The following H4C7 variants were observed in gnomAD, a reference collection of about 807,000 sequenced individuals.
H4C7 encodes histone H4-like protein type G.
H4C7 carries 7 observed loss-of-function variants against 5.2 expected under a neutral mutation model. The ratio of observed to expected loss-of-function variants is 1.34; its 90% CI spans 0.76 to 2.52. The LOEUF (loss-of-function observed/expected upper bound fraction) is 2.52. Among genes scored for constraint, H4C7 ranks in the 30% most tolerant of loss-of-function variants. The pLI is 0.00. For synonymous variants in H4C7, 69 were observed against 57.5 expected (o/e 1.20, Z -0.90); for missense variants, 148 against 138.4 (o/e 1.07, Z -0.35).
chr6:26,246,683 A>C lies in H4C7; in HGVS notation c.295T>G (p.Ter99GluextTer5). ...YVLKRQGRTL[*>E] Reference sequence around the variant, plus strand: ...GGCCTCACTTAACCGCCAAAGCCTTACAGGGTTCTTCCCTGGCGTTTGAGC... The same window carrying C: ...GGCCTCACTTAACCGCCAAAGCCTTCCAGGGTTCTTCCCTGGCGTTTGAGC... Residue 99 changes from the stop codon to glutamate, a stop_lost, in exon 1 of 1, where the codon TAA becomes GAA. Transcript: ENST00000611444. The C allele has an allele frequency of 6.3e-7, 1 of 1,585,740 alleles. No individual in the cohort carries two copies. Among genetic ancestry groups the C allele is most frequent in the Non-Finnish European group, 8.6e-7 (1 of 1,160,094 alleles).
chr6:26,246,736 G>A lies in H4C7; in HGVS notation c.242C>T (p.Thr81Met), dbSNP rs780050063. The A allele has an allele frequency of 1.2e-6, 2 of 1,612,294 alleles. No homozygotes were observed. The highest frequency in any genetic ancestry group is 1.3e-5 in the African/African-American group (1 of 75,010). ...GTAGACCACGGCCATGGCGGTGACC[G>A]TCTTGCGCTTGGCGTGCTCCGTGTT... The part of the protein sequence containing the change: ...VTNTEHAKRK[T>M]VTAMAVVYVL... The change falls in exon 1 of 1, where the codon ACG (threonine) becomes ATG (methionine). Residue 81 changes from threonine to methionine, a missense_variant. Physicochemically the swap from Thr to Met is moderately conservative, Grantham distance 81. Transcript: ENST00000611444.
chr6:26,246,974 A>T lies in H4C7; in HGVS notation c.4T>A (p.Ser2Thr). The change falls in exon 1 of 1, where the codon TCT (serine) becomes ACT (threonine). Residue 2 changes from serine (S) to threonine (T), a missense_variant. Transcript: ENST00000611444. MSVRGKAGKGLG... is the reference protein window; with the variant it reads MTVRGKAGKGLG... ...CCTTTTCCGGCCTTGCCCCGAACAGACATGATAAACAAGTCAGAACTATCT... is the reference window on the plus strand; with the variant it reads ...CCTTTTCCGGCCTTGCCCCGAACAGTCATGATAAACAAGTCAGAACTATCT... 6.3e-7 allele frequency: 1 copy of T among 1,584,222 alleles called. No individual in the cohort carries two copies. The highest frequency in any genetic ancestry group is 8.6e-7 in the Non-Finnish European group (1 of 1,159,498).
In H4C7 at chr6:26,246,891, G is replaced by A. The variant is rs1437333180; in HGVS notation, c.87C>T (p.Gly29=). ...HRKVLSDNIQ[G]ITKCTIRRLA... ...AGCGCCGGATAGTGCACTTGGTAATGCCCTGAATATTATCGCTCAGTACCT... is the reference window on the plus strand; with the variant it reads ...AGCGCCGGATAGTGCACTTGGTAATACCCTGAATATTATCGCTCAGTACCT... Residue 29 remains glycine (G), a synonymous_variant, in exon 1 of 1, where the codon GGC becomes GGT. Coordinates refer to ENST00000611444, the MANE Select transcript of H4C7 (RefSeq NM_003547.3). 3.7e-6 allele frequency: 6 copies of A among 1,614,072 alleles called. No individual in the cohort carries two copies. The highest frequency in any genetic ancestry group is 1.3e-5 in the African/African-American group (1 of 74,938).
In H4C7 at chr6:26,246,881, A is replaced by T. The variant is rs1162588938; in HGVS notation, c.97T>A (p.Cys33Ser). The stretch of plus-strand genomic sequence containing the variant: ...TGCCGGGCCAAGCGCCGGATAGTGC[A>T]CTTGGTAATGCCCTGAATATTATCG... ...LSDNIQGITKCTIRRLARHGG... is the reference protein window; with the variant it reads ...LSDNIQGITKSTIRRLARHGG... The change falls in exon 1 of 1, where the codon TGC (cysteine) becomes AGC (serine). Residue 33 changes from cysteine to serine, a missense_variant. Physicochemically the swap from Cys to Ser is moderately radical, Grantham distance 112. Coordinates refer to ENST00000611444, the MANE Select transcript of H4C7 (RefSeq NM_003547.3). The T allele has an allele frequency of 5.0e-6, 8 of 1,614,054 alleles. No individual in the cohort carries two copies. The African/African-American group carries it at 5.3e-5, about 11-fold the overall frequency.
Position 26,246,627 on chromosome 6 carries a change from G to A in H4C7, c.*54C>T. 6.7e-7 allele frequency: 1 copy of A among 1,494,570 alleles called. No individual in the cohort carries two copies. The highest frequency in any genetic ancestry group is 1.4e-5 in the African/African-American group (1 of 71,480). The allele number at this position is 1,494,570 out of a possible 1,614,324, so 92.6% of individuals were successfully genotyped here. ...AAGAAAACGTACGCGGCCCTGAAAA[G>A]GGCCATTAACGATATTGCAAGGAAA... is the stretch of plus-strand genomic sequence containing the variant. On this transcript the variant is annotated 3_prime_UTR_variant, in exon 1 of 1. Coordinates refer to ENST00000611444, the MANE Select transcript of H4C7 (RefSeq NM_003547.3).
rs147085567 is a variant in H4C7, at chr6:26,246,930, G to C, written c.48C>G (p.Ala16=). The C allele has an allele frequency of 6.2e-7, 1 of 1,604,446 alleles. No homozygotes were observed. The highest frequency in any genetic ancestry group is 8.5e-7 in the Non-Finnish European group (1 of 1,171,782). ...CGCTCAGTACCTTGCGATGGCACTT[G>C]GCACCGCCTTTCCCAAGGCCTTTTC... ...KAGKGLGKGG[A]KCHRKVLSDN... is the part of the protein sequence containing the mutation. The change falls in exon 1 of 1, where the codon GCC becomes GCG. Residue 16 remains alanine (A), a synonymous_variant. Coordinates refer to ENST00000611444, the MANE Select transcript of H4C7 (RefSeq NM_003547.3).
rs967059166 is a variant in H4C7, at chr6:26,246,719, C to T, written c.259G>A (p.Val87Met). ...CCCTGGCGTTTGAGCACGTAGACCA[C>T]GGCCATGGCGGTGACCGTCTTGCGC... ...AKRKTVTAMAVVYVLKRQGRT... is the reference protein window; with the variant it reads ...AKRKTVTAMAMVYVLKRQGRT... The change falls in exon 1 of 1, where the codon GTG becomes ATG. Residue 87 changes from valine (V) to methionine (M), a missense_variant. Physicochemically the swap from Val to Met is conservative, Grantham distance 21. Coordinates refer to ENST00000611444, the MANE Select transcript of H4C7 (RefSeq NM_003547.3). 1.9e-6 allele frequency: 3 copies of T among 1,606,664 alleles called. No homozygotes were observed. The highest frequency in any genetic ancestry group is 2.6e-6 in the Non-Finnish European group (3 of 1,173,920).
Position 26,246,686 on chromosome 6 carries a change from G to C in H4C7, c.292C>G (p.Leu98Val). Reference protein sequence around the residue: ...VYVLKRQGRTL With the variant: ...VYVLKRQGRTV ...CTCACTTAACCGCCAAAGCCTTACA[G>C]GGTTCTTCCCTGGCGTTTGAGCACG... Residue 98 changes from leucine to valine, a missense_variant, in exon 1 of 1, where the codon CTG becomes GTG. Leu to Val is a conservative substitution (Grantham distance 32, BLOSUM62 1). Coordinates refer to ENST00000611444, the MANE Select transcript of H4C7 (RefSeq NM_003547.3). 1 of 1,588,884 alleles carries C rather than the reference G, an allele frequency of 6.3e-7. No individual in the cohort carries two copies. The highest frequency in any genetic ancestry group is 1.7e-4 in the Middle Eastern group (1 of 5,956).
chr6:26,246,934 C>T lies in H4C7; in HGVS notation c.44G>A (p.Gly15Asp). 6.2e-7 allele frequency: 1 copy of T among 1,603,454 alleles called. No homozygotes were observed. The highest frequency in any genetic ancestry group is 2.2e-5 in the East Asian group (1 of 44,532). ...CAGTACCTTGCGATGGCACTTGGCA[C>T]CGCCTTTCCCAAGGCCTTTTCCGGC... ...GKAGKGLGKG[G>D]AKCHRKVLSD... The change falls in exon 1 of 1, where the codon GGT (glycine) becomes GAT (aspartate). Residue 15 changes from glycine (G) to aspartate (D), a missense_variant. Physicochemically the swap from Gly to Asp is moderately conservative, Grantham distance 94. Transcript: ENST00000611444.
At position 26,246,658 on chromosome 6, in the gene H4C7, G is replaced by A. The variant is rs1356837166; in HGVS notation, c.*23C>T. 3 of 1,552,056 alleles carry A rather than the reference G, an allele frequency of 1.9e-6. No individual in the cohort carries two copies. Among genetic ancestry groups the A allele is most frequent in the Admixed American group, 1.9e-5 (1 of 53,496 alleles). ...TTAACGATATTGCAAGGAAAGGCCT[G>A]GCCTCACTTAACCGCCAAAGCCTTA... On this transcript the variant is annotated 3_prime_UTR_variant, in exon 1 of 1. Transcript: ENST00000611444.
Position 26,246,963 on chromosome 6 carries a change from G to T in H4C7, c.15C>A (p.Gly5=). ...CTTTCCCAAGGCCTTTTCCGGCCTT[G>T]CCCCGAACAGACATGATAAACAAGT... is the stretch of plus-strand genomic sequence containing the variant. MSVR[G]KAGKGLGKGG... is the part of the protein sequence containing the mutation. The change falls in exon 1 of 1, where the codon GGC becomes GGA. Residue 5 remains glycine (G), a synonymous_variant. Coordinates refer to ENST00000611444, the MANE Select transcript of H4C7 (RefSeq NM_003547.3). The T allele has an allele frequency of 6.3e-7, 1 of 1,596,538 alleles. No individual in the cohort carries two copies. The highest frequency in any genetic ancestry group is 8.6e-7 in the Non-Finnish European group (1 of 1,166,466).
chr6:26,246,962 T>A lies in H4C7; in HGVS notation c.16A>T (p.Lys6Ter), dbSNP rs1165030359. 6.3e-7 allele frequency: 1 copy of A among 1,597,098 alleles called. No individual in the cohort carries two copies. The highest frequency in any genetic ancestry group is 1.7e-5 in the Admixed American group (1 of 59,222). The part of the protein sequence containing the change: MSVRG[K>*]AGKGLGKGGA... ...CCTTTCCCAAGGCCTTTTCCGGCCT[T>A]GCCCCGAACAGACATGATAAACAAG... Residue 6 changes from lysine to a stop codon, truncating the protein, a stop_gained, in exon 1 of 1, where the codon AAG becomes TAG. Coordinates refer to ENST00000611444, the MANE Select transcript of H4C7 (RefSeq NM_003547.3). LOFTEE classifies it high-confidence loss of function.
Position 26,246,776 on chromosome 6 carries a change from A to G in H4C7, c.202T>C (p.Trp68Arg). The change falls in exon 1 of 1, where the codon TGG (tryptophan) becomes CGG (arginine). Residue 68 changes from tryptophan to arginine, a missense_variant. Physicochemically the swap from Trp to Arg is moderately radical, Grantham distance 101. Transcript: ENST00000611444. ...TGCTCCGTGTTGGTCACGGCGTACCAGATCACATTTTCCAGGAACACCTTG... is the reference window on the plus strand; with the variant it reads ...TGCTCCGTGTTGGTCACGGCGTACCGGATCACATTTTCCAGGAACACCTTG... ...VFKVFLENVI[W>R]YAVTNTEHAK... 1.2e-6 allele frequency: 2 copies of G among 1,614,192 alleles called. No homozygotes were observed.
rs201018952 is a variant in H4C7 at position 26,246,787 on chromosome 6, T to A, written c.191A>T (p.Glu64Val). 17 of 1,614,164 alleles carry A rather than the reference T, an allele frequency of 1.1e-5. No homozygotes were observed. In the South Asian group the frequency reaches 1.9e-4, roughly 18 times the overall value. ...GGTCACGGCGTACCAGATCACATTT[T>A]CCAGGAACACCTTGAACACCCGGCG... ...ETRRVFKVFL[E>V]NVIWYAVTNT... The change falls in exon 1 of 1, where the codon GAA (glutamate) becomes GTA (valine). Residue 64 changes from glutamate (E) to valine (V), a missense_variant. Physicochemically the swap from Glu to Val is moderately radical, Grantham distance 121 (BLOSUM62 -2). Transcript: ENST00000611444.
chr6:26,246,991 GAACT>G lies in H4C7; in HGVS notation c.-18_-15del. ...CCGAACAGACATGATAAACAAGTCA[GAACT>G]ATCTCTAAACAAAACGATTACTCGC... On this transcript the variant is annotated 5_prime_UTR_variant, in exon 1 of 1. Coordinates refer to ENST00000611444, the MANE Select transcript of H4C7 (RefSeq NM_003547.3). 6.4e-7 allele frequency: 1 copy of G among 1,568,006 alleles called. No individual in the cohort carries two copies. Among genetic ancestry groups the G allele is most frequent in the Non-Finnish European group, 8.7e-7 (1 of 1,151,342 alleles).
Position 26,246,959 on chromosome 6 carries a change from C to A in H4C7, c.19G>T (p.Ala7Ser), listed in dbSNP as rs1405777471. 3 of 1,598,724 alleles carry A rather than the reference C, an allele frequency of 1.9e-6. No individual in the cohort carries two copies. The highest frequency in any genetic ancestry group is 1.3e-5 in the African/African-American group (1 of 74,688). The change falls in exon 1 of 1, where the codon GCC (alanine) becomes TCC (serine). Residue 7 changes from alanine to serine, a missense_variant. By Grantham distance (99) the Ala-to-Ser change is moderately conservative. Coordinates refer to ENST00000611444, the MANE Select transcript of H4C7 (RefSeq NM_003547.3). MSVRGK[A>S]GKGLGKGGAK... The stretch of plus-strand genomic sequence containing the variant: ...CCGCCTTTCCCAAGGCCTTTTCCGG[C>A]CTTGCCCCGAACAGACATGATAAAC...
rs770513643 is a variant in H4C7, at chr6:26,246,946, A to C, written c.32T>G (p.Leu11Arg). The part of the protein sequence containing the change: MSVRGKAGKG[L>R]GKGGAKCHRK... ...ATGGCACTTGGCACCGCCTTTCCCA[A>C]GGCCTTTTCCGGCCTTGCCCCGAAC... Residue 11 changes from leucine to arginine, a missense_variant, in exon 1 of 1, where the codon CTT becomes CGT. By Grantham distance (102) the Leu-to-Arg change is moderately radical (BLOSUM62 -2). Transcript: ENST00000611444. The C allele has an allele frequency of 6.2e-7, 1 of 1,601,388 alleles. No homozygotes were observed. The highest frequency in any genetic ancestry group is 1.1e-5 in the South Asian group (1 of 90,860).
In H4C7 at chr6:26,246,641, A is replaced by G; in HGVS notation, c.*40T>C. On this transcript the variant is annotated 3_prime_UTR_variant, in exon 1 of 1. Transcript: ENST00000611444. Reference sequence around the variant, plus strand: ...GGCCCTGAAAAGGGCCATTAACGATATTGCAAGGAAAGGCCTGGCCTCACT... The same window carrying G: ...GGCCCTGAAAAGGGCCATTAACGATGTTGCAAGGAAAGGCCTGGCCTCACT... The G allele has an allele frequency of 1.3e-6, 2 of 1,524,808 alleles. No individual in the cohort carries two copies. 94.5% of individuals were successfully genotyped at this position (1,524,808 alleles called of 1,614,324 possible).
chr6:26,246,852 GCCATGCCGGGC>G lies in H4C7; in HGVS notation c.115_125del (p.Ala39ArgfsTer11). The G allele has an allele frequency of 1.2e-6, 2 of 1,614,134 alleles. No homozygotes were observed. The highest frequency in any genetic ancestry group is 1.7e-6 in the Non-Finnish European group (2 of 1,180,018). On this transcript the variant is annotated frameshift_variant, in exon 1 of 1. Coordinates refer to ENST00000611444, the MANE Select transcript of H4C7 (RefSeq NM_003547.3). LOFTEE classifies it high-confidence loss of function. Reference sequence around the variant, plus strand: ...TGAGGCCCAAGATGCGCTTGACACCGCCATGCCGGGCCAAGCGCCGGATAGTGCACTTGGTA... The same window carrying G: ...TGAGGCCCAAGATGCGCTTGACACCGCAAGCGCCGGATAGTGCACTTGGTA...
Sources: gnomAD v4.1 joint callset for allele counts on GRCh38, gnomAD v4.1.1 for gene constraint, MANE v1.5 for transcripts, NCBI Gene and HGNC (gene_info 2026-07-23, HGNC 2026-07-21) for gene names.